The following HDLBP variants were observed in gnomAD, a reference collection of about 807,000 sequenced individuals.
HDLBP encodes high density lipoprotein binding protein.
HDLBP carries 30 observed loss-of-function variants against 137.3 expected under a neutral mutation model. The ratio of observed to expected loss-of-function variants is 0.22; its 90% CI spans 0.16 to 0.30. HDLBP has a LOEUF of 0.30. Among genes scored for constraint, HDLBP ranks in the 10% least tolerant of loss-of-function variants. The pLI is 1.00. For missense variants in HDLBP, 1,119 were observed against 1,667.3 expected (o/e 0.67, Z 5.73); for synonymous variants, 606 against 596.0 (o/e 1.02, Z -0.24).
intron 1 of HDLBP, 67 bp from the exon 2 acceptor site, chr2:241,268,608 T>C: frequency 9.4e-6 from 5 of 534,490 alleles, no homozygotes; most frequent in Non-Finnish European, 1.2e-5. Context: ...ATCTACATTT[T>C]ACAACTCAGA....
At chr2:241,314,912 G>A (rs915969880) in intron 1 of HDLBP, among the ~76,000 whole-genome samples, 3 of 152,170 alleles carry the variant, frequency 2.0e-5, no homozygotes, top group South Asian at 2.1e-4. Context: ...AAGCCTTGAC[G>A]TGAGTCTCGA....
At chr2:241,280,467 C>CTT (rs2074553425) in intron 1 of HDLBP, among the ~76,000 whole-genome samples, 1 of 152,198 alleles carries the variant, frequency 6.6e-6, no homozygotes, top group Non-Finnish European at 1.5e-5. Flanking sequence ...TTGCCTTGTT[C>CTT]TTTCTCCACT....
chr2:241,282,052 A>T (rs2074628289), intron 1 of HDLBP, among the ~76,000 whole-genome samples: 1 of 152,236 alleles, frequency 6.6e-6, no homozygotes, highest in Admixed American at 6.5e-5. Flanking sequence ...GGAAAAGAGT[A>T]TAAAATGCGT....
chr2:241,252,632 T>C (rs2072285067), intron 11 of HDLBP, among the ~76,000 whole-genome samples: 1 of 152,228 alleles, frequency 6.6e-6, no homozygotes, highest in Non-Finnish European at 1.5e-5. Flanking sequence ...TTGGCTAACC[T>C]AGCAGGTCTG....
At chr2:241,236,576 G>T in intron 21 of HDLBP, 39 bp downstream of exon 21, 1 of 1,607,260 alleles carries the variant, frequency 6.2e-7, no homozygotes, top group Non-Finnish European at 8.5e-7. Flanking sequence ...TGCTGACTGG[G>T]CCTTGGCGGG....
In HDLBP at chr2:241,308,897, G is replaced by A. The variant is rs2075671883; in HGVS notation, c.-103+6673C>T. On this transcript the variant is annotated intron_variant, in intron 1 of 27. Coordinates refer to ENST00000310931, the MANE Select transcript of HDLBP (RefSeq NM_005336.6). ...CAGCTCTCCAAAGGCATCAAGATCCGACTGCTAGGAGCCCCGGCTTCTTCC... is the reference window on the plus strand; with the variant it reads ...CAGCTCTCCAAAGGCATCAAGATCCAACTGCTAGGAGCCCCGGCTTCTTCC... Among the ~76,000 whole-genome samples, 3 of 152,064 alleles carry A rather than the reference G, an allele frequency of 2.0e-5. 1 individual carries two copies. The highest frequency in any genetic ancestry group is 4.4e-5 in the Non-Finnish European group (3 of 67,996).
Position 241,272,083 on chromosome 2 carries a change from T to C in HDLBP, c.-102-3542A>G, listed in dbSNP as rs2074091096. ...ATCCAAATTCGGTACTTTTCCGTAATGTATTTTTCATCCACGACCCTGGGG... is the reference window on the plus strand; with the variant it reads ...ATCCAAATTCGGTACTTTTCCGTAACGTATTTTTCATCCACGACCCTGGGG... On this transcript the variant is annotated intron_variant, in intron 1 of 27. Transcript: ENST00000310931. The surrounding 1 kb of genome is among the most constrained non-coding windows in gnomAD (Gnocchi z 5.6). 8.7e-6 allele frequency: 5 copies of C among 575,388 alleles called. No individual in the cohort carries two copies. Among genetic ancestry groups the C allele is most frequent in the African/African-American group, 2.0e-5 (1 of 49,478 alleles). 35.6% of individuals were successfully genotyped at this position (575,388 alleles called of 1,614,324 possible).
intron 22 of HDLBP, 83 bp from the exon 23 acceptor site, chr2:241,235,338 G>T: frequency 6.3e-7 from 1 of 1,577,248 alleles, no homozygotes; most frequent in South Asian, 1.1e-5. Context: ...CAGAAGTGGT[G>T]AGAGGGAAGG....
At position 241,250,027 on chromosome 2, in the gene HDLBP, T is replaced by C. The variant is rs562584574; in HGVS notation, c.1373-47A>G. 2.6e-5 allele frequency: 41 copies of C among 1,553,134 alleles called. No homozygotes were observed. In the South Asian group the frequency reaches 4.6e-4, roughly 17 times the overall value. On this transcript the variant is annotated intron_variant, in intron 11 of 27. Coordinates refer to ENST00000310931, the MANE Select transcript of HDLBP (RefSeq NM_005336.6). ...ACATTTAGGACACAGACCAACAACATTCTGCCAATGACATAACTGGGCAGG... is the reference window on the plus strand; with the variant it reads ...ACATTTAGGACACAGACCAACAACACTCTGCCAATGACATAACTGGGCAGG...
In HDLBP at chr2:241,238,116, C is replaced by T. The variant is rs1574866670; in HGVS notation, c.2749+533G>A. Among the ~76,000 whole-genome samples the T allele has an allele frequency of 6.6e-6, 1 of 152,220 alleles. No homozygotes were observed. The highest frequency in any genetic ancestry group is 2.4e-5 in the African/African-American group (1 of 41,454). On this transcript the variant is annotated intron_variant, in intron 20 of 27. Coordinates refer to ENST00000310931, the MANE Select transcript of HDLBP (RefSeq NM_005336.6). This position sits in a 1 kb window ranked among gnomAD's most constrained non-coding sequence, Gnocchi z 4.9. Reference sequence around the variant, plus strand: ...GCAGAGCAAGTGAGAGAGAGGCAACCGACCCGCATCCCACAGGTCGCCTCC... The same window carrying T: ...GCAGAGCAAGTGAGAGAGAGGCAACTGACCCGCATCCCACAGGTCGCCTCC...
Position 241,233,800 on chromosome 2 carries a change from G to T in HDLBP, c.3288+20C>A, listed in dbSNP as rs549861739. ...CAACAAGCACCTCTGCCCCCGACACGCTCCAACCGAGGCTCTCACCTGGTT... is the reference window on the plus strand; with the variant it reads ...CAACAAGCACCTCTGCCCCCGACACTCTCCAACCGAGGCTCTCACCTGGTT... On this transcript the variant is annotated intron_variant, in intron 24 of 27. Coordinates refer to ENST00000310931, the MANE Select transcript of HDLBP (RefSeq NM_005336.6). This position sits in a 1 kb window ranked among gnomAD's most constrained non-coding sequence, Gnocchi z 4.3. 16 of 1,613,800 alleles carry T rather than the reference G, an allele frequency of 9.9e-6. No homozygotes were observed. Among genetic ancestry groups the T allele is most frequent in the Non-Finnish European group, 1.4e-5 (16 of 1,179,938 alleles).
Position 241,229,575 on chromosome 2 carries a change from G to A in HDLBP, c.*26C>T, listed in dbSNP as rs149764127. On this transcript the variant is annotated 3_prime_UTR_variant, in exon 28 of 28. Transcript: ENST00000310931. ...GTGGTTGGGTTTGGGTCAGCAGGCTGGAGAGGGTTCTGTTCTTTTTGATCA... is the reference window on the plus strand; with the variant it reads ...GTGGTTGGGTTTGGGTCAGCAGGCTAGAGAGGGTTCTGTTCTTTTTGATCA... 6.4e-7 allele frequency: 1 copy of A among 1,567,646 alleles called. No individual in the cohort carries two copies. The highest frequency in any genetic ancestry group is 8.8e-7 in the Non-Finnish European group (1 of 1,138,942).
chr2:241,253,267 A>G (rs1341716059), intron 10 of HDLBP, 126 bp downstream of exon 10: 5 of 770,646 alleles, frequency 6.5e-6, no homozygotes, highest in Non-Finnish European at 1.2e-5. Flanking sequence ...CCTATTACTC[A>G]CCCAGCTAGG....
Position 241,253,382 on chromosome 2 carries a change from G to A in HDLBP, c.1293+11C>T, listed in dbSNP as rs1038461815. 6.4e-7 allele frequency: 1 copy of A among 1,558,982 alleles called. No homozygotes were observed. The highest frequency in any genetic ancestry group is 8.9e-7 in the Non-Finnish European group (1 of 1,129,262). On this transcript the variant is annotated intron_variant, in intron 10 of 27. Coordinates refer to ENST00000310931, the MANE Select transcript of HDLBP (RefSeq NM_005336.6). ...TCACCAGCACACACAACATTCCAAGGGGTACCTTACCAAATCTTTGACCAT... is the reference window on the plus strand; with the variant it reads ...TCACCAGCACACACAACATTCCAAGAGGTACCTTACCAAATCTTTGACCAT...
chr2:241,311,500 G>A (rs905709551), intron 1 of HDLBP, among the ~76,000 whole-genome samples: 2 of 152,218 alleles, frequency 1.3e-5, no homozygotes, highest in African/African-American at 4.8e-5. Context: ...AAGATTTCAG[G>A]CACAGACAAG....
intron 1 of HDLBP, among the ~76,000 whole-genome samples, chr2:241,288,746 C>T (rs1201586701): frequency 2.6e-5 from 4 of 152,210 alleles, no homozygotes; most frequent in African/African-American, 9.7e-5. Context: ...CACACATACT[C>T]CTCACCAGGG....
rs779449255 is a variant in HDLBP, at chr2:241,238,655, T to C, written c.2743A>G (p.Asn915Asp). The stretch of plus-strand genomic sequence containing the variant: ...GGGCTAATGGGGGACCCACCTGCGT[T>C]CTCCTCTCTGTCTGGGAATTTAATT... ...VQIKFPDREE[N>D]AVHSTEPVVQ... Residue 915 changes from asparagine (N) to aspartate (D), a missense_variant, in exon 20 of 28, where the codon AAC becomes GAC. Asn to Asp is a conservative substitution (Grantham distance 23). This residue lies in a region of HDLBP where 618 missense variants were observed against 816.7 expected (regional missense o/e 0.76). Coordinates refer to ENST00000310931, the MANE Select transcript of HDLBP (RefSeq NM_005336.6). This position sits in a 1 kb window ranked among gnomAD's most constrained non-coding sequence, Gnocchi z 4.9. The C allele has an allele frequency of 6.4e-7, 1 of 1,567,940 alleles. No homozygotes were observed. Among genetic ancestry groups the C allele is most frequent in the Admixed American group, 1.8e-5 (1 of 56,322 alleles).
Position 241,256,353 on chromosome 2 carries a change from G to C in HDLBP, c.704C>G (p.Pro235Arg). ...ERLEVEKAFH[P>R]FIAGPYNRLV... ...TCTATTATACGGCCCAGCGATGAAG[G>C]GGTGGAATGCCTTTTCTACTTCTAG... is the stretch of plus-strand genomic sequence containing the variant. Residue 235 changes from proline (P) to arginine (R), a missense_variant, in exon 7 of 28, where the codon CCC becomes CGC. Around this residue, in one of 4 missense-constraint regions of HDLBP, gnomAD observed 425 missense variants for 693.9 expected, o/e 0.61. Coordinates refer to ENST00000310931, the MANE Select transcript of HDLBP (RefSeq NM_005336.6). The C allele has an allele frequency of 6.2e-7, 1 of 1,613,796 alleles. No individual in the cohort carries two copies. Among genetic ancestry groups the C allele is most frequent in the Non-Finnish European group, 8.5e-7 (1 of 1,179,762 alleles).
chr2:241,261,993 G>A (rs770928681), intron 5 of HDLBP, among the ~76,000 whole-genome samples: 21 of 152,334 alleles, frequency 1.4e-4, no homozygotes, highest in African/African-American at 1.9e-4. Context: ...CAGCAGTCAC[G>A]CAACACTTTA....
Sources: allele counts gnomAD v4.1 joint callset (sites outside exome capture counted in the v4.1 genomes callset), GRCh38; gene constraint gnomAD v4.1.1; regional missense constraint gnomAD v4.1.1; non-coding constraint Gnocchi (gnomAD v3.1); transcripts MANE v1.5; gene names NCBI Gene and HGNC (gene_info 2026-07-23, HGNC 2026-07-21).